GPR137B: variants seen among roughly 807,000 people sequenced by gnomAD.
GPR137B encodes G protein-coupled receptor 137B.
A neutral mutation model predicts 42.5 loss-of-function variants in GPR137B; 42 were observed. That is an observed-to-expected ratio of 0.99 (90% confidence interval 0.77 to 1.28). The LOEUF (loss-of-function observed/expected upper bound fraction) is 1.28. Among genes scored for constraint, GPR137B ranks in the 50% most tolerant of loss-of-function variants. The pLI, the probability that GPR137B is intolerant of heterozygous loss-of-function variation, is 0.00. For missense variants in GPR137B, 487 were observed against 493.9 expected (o/e 0.99, Z 0.13); for synonymous variants, 218 against 209.7 (o/e 1.04, Z -0.34).
rs984050900 is a variant in GPR137B, at chr1:236,161,481, C to T, written c.415-7225C>T. Reference sequence around the variant, plus strand: ...TCACATCTCCTCACACCTCCACACACACTTCACACCTCCTCACGCCTCCCA... The same window carrying T: ...TCACATCTCCTCACACCTCCACACATACTTCACACCTCCTCACGCCTCCCA... On this transcript the variant is annotated intron_variant, in intron 1 of 6. Transcript: ENST00000366592. 1.7e-4 allele frequency among the ~76,000 whole-genome samples: 26 copies of T among 148,956 alleles called. 1 individual carries two copies. In the South Asian group the frequency reaches 2.1e-3, roughly 12 times the overall value.
intron 5 of GPR137B, among the ~76,000 whole-genome samples, chr1:236,194,386 C>T (rs958824508): frequency 7.2e-5 from 11 of 152,070 alleles, no homozygotes; most frequent in Non-Finnish European, 1.3e-4. Context: ...TTCTTTTGCG[C>T]GTGGCTCATA....
At chr1:236,182,083 G>A (rs1226047828) in intron 4 of GPR137B, among the ~76,000 whole-genome samples, 1 of 151,824 alleles carries the variant, frequency 6.6e-6, no homozygotes, top group Non-Finnish European at 1.5e-5. Flanking sequence ...TAGTAGAGAC[G>A]GGTTTCATCA....
chr1:236,155,942 T>C lies in GPR137B; in HGVS notation c.415-12764T>C, dbSNP rs75720003. Among the ~76,000 whole-genome samples, 2,780 of 152,262 alleles carry C rather than the reference T, an allele frequency of 0.018. 132 individuals carry two copies. The East Asian group carries it at 0.18, about 10-fold the overall frequency. ...CTTGTGGGGTGCACATGCACAAACATGCACACACATACACAAACGCACACA... is the reference window on the plus strand; with the variant it reads ...CTTGTGGGGTGCACATGCACAAACACGCACACACATACACAAACGCACACA... On this transcript the variant is annotated intron_variant, in intron 1 of 6. Transcript: ENST00000366592. This position sits in a 1 kb window ranked among gnomAD's most constrained non-coding sequence, Gnocchi z 4.6.
intron 5 of GPR137B, among the ~76,000 whole-genome samples, chr1:236,195,443 CT>C (rs985843468): frequency 1.3e-5 from 2 of 152,130 alleles, no homozygotes; most frequent in African/African-American, 4.8e-5. Flanking sequence ...GGATTTCATT[CT>C]TTTTTATGGC....
At chr1:236,145,374 G>A (rs563455203) in intron 1 of GPR137B, among the ~76,000 whole-genome samples, 1 of 152,278 alleles carries the variant, frequency 6.6e-6, no homozygotes, top group East Asian at 1.9e-4. Context: ...TTTGGAGAAG[G>A]GGCTGACAGC....
chr1:236,143,346 A>G (rs1246655785), intron 1 of GPR137B, among the ~76,000 whole-genome samples: 1 of 152,256 alleles, frequency 6.6e-6, no homozygotes, highest in Non-Finnish European at 1.5e-5. Context: ...AGCGCGAAGC[A>G]GCAGCGCCTG....
At chr1:236,195,700 G>A (rs1289625157) in intron 5 of GPR137B, among the ~76,000 whole-genome samples, 1 of 152,156 alleles carries the variant, frequency 6.6e-6, no homozygotes, top group Admixed American at 6.5e-5. Flanking sequence ...CATAGTGGTT[G>A]TACTAATATA....
At chr1:236,191,370 G>A (rs1663188540) in intron 5 of GPR137B, among the ~76,000 whole-genome samples, 1 of 152,150 alleles carries the variant, frequency 6.6e-6, no homozygotes, top group Admixed American at 6.5e-5. Flanking sequence ...TCTCTGTCCA[G>A]TTTTGTTCCC....
intron 5 of GPR137B, among the ~76,000 whole-genome samples, chr1:236,201,306 T>C (rs958139563): frequency 1.3e-5 from 2 of 152,124 alleles, no homozygotes; most frequent in South Asian, 2.1e-4. Flanking sequence ...TTGAGCTTCT[T>C]GTATTTGGAT....
At chr1:236,146,246 A>G (rs1363135801) in intron 1 of GPR137B, among the ~76,000 whole-genome samples, 1 of 152,208 alleles carries the variant, frequency 6.6e-6, no homozygotes, top group Non-Finnish European at 1.5e-5. Flanking sequence ...GCAGAGAATC[A>G]AAGTATACAT....
chr1:236,179,967 C>T lies in GPR137B; in HGVS notation c.776C>T (p.Ser259Leu), dbSNP rs376648349. The T allele has an allele frequency of 1.9e-6, 3 of 1,613,120 alleles. No homozygotes were observed. Among genetic ancestry groups the T allele is most frequent in the Non-Finnish European group, 2.5e-6 (3 of 1,179,246 alleles). The change falls in exon 4 of 7, where the codon TCA becomes TTA. Residue 259 changes from serine (S) to leucine (L), a missense_variant. Transcript: ENST00000366592. ...SRACYNLFIL[S>L]FSQNKSVHSF... ...GCCTGCTACAACCTGTTCATCCTGT[C>T]ATTTTCTCAGAACAAGAGCGTCCAT...
chr1:236,143,995 G>A (rs1487762573), intron 1 of GPR137B, among the ~76,000 whole-genome samples: 2 of 152,110 alleles, frequency 1.3e-5, no homozygotes, highest in Non-Finnish European at 2.9e-5. Context: ...GAAGGGGAAG[G>A]CGTCAACGGT....
chr1:236,184,432 G>T (rs2102914475), intron 5 of GPR137B, among the ~76,000 whole-genome samples: 1 of 152,282 alleles, frequency 6.6e-6, no homozygotes, highest in East Asian at 1.9e-4. Context: ...ATGTCTTTAT[G>T]GGACAGGACA....
At chr1:236,205,003 C>A in intron 5 of GPR137B, 123 bp from the exon 6 acceptor site, 2 of 749,390 alleles carry the variant, frequency 2.7e-6, no homozygotes, top group Non-Finnish European at 4.3e-6. Context: ...TCCAGCTGAA[C>A]AGATATAGCC....
chr1:236,142,620 C>T lies in GPR137B; in HGVS notation c.-3C>T. ...GCGGGGGCGGCGGCGGCCGTGAGCC[C>T]CGATGAGGCCCGAGCGTCCCCGGCC... On this transcript the variant is annotated 5_prime_UTR_variant, in exon 1 of 7. Transcript: ENST00000366592. 2 of 1,379,386 alleles carry T rather than the reference C, an allele frequency of 1.4e-6. No individual in the cohort carries two copies. The highest frequency in any genetic ancestry group is 2.5e-4 in the Middle Eastern group (1 of 3,972). 85.4% of individuals were successfully genotyped at this position (1,379,386 alleles called of 1,614,324 possible).
chr1:236,153,055 CG>C lies in GPR137B; in HGVS notation c.414+10023del, dbSNP rs200254397. ...TGGGAGACAGAGCAATACTCCATCT[CG>C]GGGAAAAAAAAAAAAAGAAACAAAC... On this transcript the variant is annotated intron_variant, in intron 1 of 6. Transcript: ENST00000366592. 6.4e-4 allele frequency among the ~76,000 whole-genome samples: 92 copies of C among 144,390 alleles called. No homozygotes were observed. In the South Asian group the frequency reaches 0.011, roughly 17 times the overall value. 94.7% of individuals were successfully genotyped at this position (144,390 alleles called of 152,430 possible). A position where few individuals can be genotyped will look rare whatever the true frequency, so the allele number is the denominator to read the frequency against.
At chr1:236,177,280 C>T (rs1354432711) in intron 2 of GPR137B, among the ~76,000 whole-genome samples, 1 of 152,102 alleles carries the variant, frequency 6.6e-6, no homozygotes, top group East Asian at 1.9e-4. Context: ...ACCAAGGTCT[C>T]TTTGGGCCAT....
intron 6 of GPR137B, chr1:236,207,107 A>C (rs1663684956): frequency 2.0e-6 from 2 of 979,478 alleles, no homozygotes; most frequent in Non-Finnish European, 2.4e-6. Flanking sequence ...TTTTTAAGAG[A>C]GCTCTGAAAA....
chr1:236,168,698 C>A lies in GPR137B; in HGVS notation c.415-8C>A, dbSNP rs757627047. ...ACCCCAACCTGCCATGCTTTTCTGT[C>A]GTTGCAGGTGATTTTCAAAGCCAAG... On this transcript the variant is annotated splice_region_variant and splice_polypyrimidine_tract_variant and intron_variant, in intron 1 of 6. Transcript: ENST00000366592. 1.2e-6 allele frequency: 2 copies of A among 1,609,922 alleles called. No individual in the cohort carries two copies. Among genetic ancestry groups the A allele is most frequent in the Admixed American group, 1.7e-5 (1 of 60,012 alleles).
Sources: allele counts gnomAD v4.1 joint callset (sites outside exome capture counted in the v4.1 genomes callset), GRCh38; gene constraint gnomAD v4.1.1; non-coding constraint Gnocchi (gnomAD v3.1); transcripts MANE v1.5; gene names NCBI Gene and HGNC (gene_info 2026-07-23, HGNC 2026-07-21).